The following PTPRD variants were observed in gnomAD, a reference collection of about 807,000 sequenced individuals.
The protein encoded by PTPRD is protein tyrosine phosphatase receptor type D.
PTPRD carries 34 observed loss-of-function variants against 214.5 expected under a neutral mutation model. The observed-to-expected ratio is 0.16, with a 90% confidence interval of 0.12 to 0.21. PTPRD has a LOEUF of 0.21. Ranked by LOEUF, PTPRD falls within the 10% of genes least tolerant of loss-of-function variation. The pLI is 1.00. For missense variants in PTPRD, 2,545 were observed against 2,398.7 expected (o/e 1.06, Z -1.27); for synonymous variants, 1,128 against 845.7 (o/e 1.33, Z -5.79).
chr9:8,480,878 C>T (rs576323592), intron 30 of PTPRD, among the ~76,000 whole-genome samples: 23 of 152,080 alleles, frequency 1.5e-4, no homozygotes, highest in Non-Finnish European at 2.5e-4. Context: ...CCGTGGCTCA[C>T]GCCTGTAACC....
intron 7 of PTPRD, among the ~76,000 whole-genome samples, chr9:9,692,129 T>C (rs2803368): frequency 0.63 from 95,406 of 151,736 alleles, 30,252 homozygotes; most frequent in South Asian, 0.66. Flanking sequence ...TTAAACTTGA[T>C]GTGATTCCAT....
intron 14 of PTPRD, among the ~76,000 whole-genome samples, chr9:8,534,328 T>C (rs75157238): frequency 0.042 from 6,422 of 151,966 alleles, 230 homozygotes; most frequent in Middle Eastern, 0.1. Flanking sequence ...ATTCTATCTA[T>C]AGAATAACAA....
intron 12 of PTPRD, among the ~76,000 whole-genome samples, chr9:8,664,144 A>T (rs1425759734): frequency 6.6e-6 from 1 of 152,194 alleles, no homozygotes; most frequent in Non-Finnish European, 1.5e-5. Context: ...TCCTCTCCAA[A>T]CTTTCACTAG....
At chr9:9,118,386 G>A (rs1453813224) in intron 10 of PTPRD, among the ~76,000 whole-genome samples, 2 of 152,126 alleles carry the variant, frequency 1.3e-5, no homozygotes, top group Non-Finnish European at 2.9e-5. Context: ...TTCTGCAGAA[G>A]TTATAGTGGG....
intron 8 of PTPRD, among the ~76,000 whole-genome samples, chr9:9,463,106 T>G (rs1307284344): frequency 6.6e-6 from 1 of 152,154 alleles, no homozygotes; most frequent in Non-Finnish European, 1.5e-5. Flanking sequence ...AAAGCCTTTG[T>G]GGCCTCTTCA....
chr9:9,239,232 A>C (rs2099969040), intron 9 of PTPRD, among the ~76,000 whole-genome samples: 1 of 152,008 alleles, frequency 6.6e-6, no homozygotes, highest in African/African-American at 2.4e-5. Flanking sequence ...TCTGTCAAAA[A>C]GGAAAAGTAG....
chr9:9,814,702 T>A (rs971745154), intron 5 of PTPRD, among the ~76,000 whole-genome samples: 3 of 151,168 alleles, frequency 2.0e-5, no homozygotes, highest in African/African-American at 4.9e-5. Context: ...TTCCACGCAA[T>A]CCCTACCAAA....
chr9:9,257,643 A>G (rs1324709425), intron 9 of PTPRD, among the ~76,000 whole-genome samples: 1 of 151,874 alleles, frequency 6.6e-6, no homozygotes, highest in East Asian at 2.0e-4. Context: ...AATAAAAAAT[A>G]AAAAACGTAA....
At chr9:9,659,489 T>C (rs578237525) in intron 7 of PTPRD, among the ~76,000 whole-genome samples, 34 of 152,160 alleles carry the variant, frequency 2.2e-4, no homozygotes, top group Non-Finnish European at 3.7e-4. Context: ...ATCAAATCAA[T>C]TAAGTCAGAA....
At chr9:8,769,285 T>C (rs2154482950) in intron 11 of PTPRD, among the ~76,000 whole-genome samples, 1 of 152,366 alleles carries the variant, frequency 6.6e-6, no homozygotes, top group Non-Finnish European at 1.5e-5. Context: ...TATATATCTT[T>C]GTTTAGTTTC....
At chr9:9,702,981 G>C (rs967622852) in intron 7 of PTPRD, among the ~76,000 whole-genome samples, 2 of 152,132 alleles carry the variant, frequency 1.3e-5, no homozygotes, top group Non-Finnish European at 2.9e-5. Flanking sequence ...TTTTTAAACA[G>C]AATGTACTAC....
At chr9:10,085,889 T>G (rs190348942) in intron 3 of PTPRD, among the ~76,000 whole-genome samples, 2 of 152,006 alleles carry the variant, frequency 1.3e-5, no homozygotes, top group African/African-American at 2.4e-5. Flanking sequence ...TGTGATGAAC[T>G]GCCAACCCTA....
rs568973171 is a variant in PTPRD, at chr9:8,637,149, A to C, written c.65-305T>G. ...CATTAATTTTTATTACCAGTATATA[A>C]AAAAATCCAATTTGTCCTCTAACAA... On this transcript the variant is annotated intron_variant, in intron 12 of 45. Coordinates refer to ENST00000381196, the MANE Select transcript of PTPRD (RefSeq NM_002839.4). Among the ~76,000 whole-genome samples, 135 of 152,308 alleles carry C rather than the reference A, an allele frequency of 8.9e-4. 1 individual carries two copies. The highest frequency in any genetic ancestry group is 1.6e-3 in the Admixed American group (25 of 15,300).
At chr9:10,446,959 C>T (rs945367271) in intron 2 of PTPRD, among the ~76,000 whole-genome samples, 2 of 152,082 alleles carry the variant, frequency 1.3e-5, no homozygotes, top group Admixed American at 6.5e-5. Context: ...CATATAAGTG[C>T]AAAGGGTATT....
chr9:10,490,787 G>A (rs2039946272), intron 2 of PTPRD, among the ~76,000 whole-genome samples: 2 of 151,968 alleles, frequency 1.3e-5, no homozygotes, highest in Non-Finnish European at 2.9e-5. Flanking sequence ...TTGGTACTTG[G>A]CTTGATCCTC....
At chr9:10,188,308 C>T (rs1226629060) in intron 3 of PTPRD, among the ~76,000 whole-genome samples, 2 of 152,030 alleles carry the variant, frequency 1.3e-5, no homozygotes, top group Non-Finnish European at 2.9e-5. Context: ...TAATGGCATG[C>T]CTTAATACTC....
intron 9 of PTPRD, among the ~76,000 whole-genome samples, chr9:9,238,874 T>G (rs1350202620): frequency 1.3e-5 from 2 of 152,172 alleles, no homozygotes; most frequent in African/African-American, 4.8e-5. Context: ...TTCAGCCCCT[T>G]ATTTTGAATA....
chr9:8,490,242 G>A (rs745856261), intron 27 of PTPRD, among the ~76,000 whole-genome samples: 14 of 152,164 alleles, frequency 9.2e-5, no homozygotes, highest in East Asian at 1.9e-4. Context: ...TAAAACTTAC[G>A]TCATGACATA....
At chr9:8,472,486 G>A (rs375514521) in intron 30 of PTPRD, among the ~76,000 whole-genome samples, 22 of 152,266 alleles carry the variant, frequency 1.4e-4, no homozygotes, top group African/African-American at 5.3e-4. Context: ...TAAGAACTCT[G>A]TTTCCATTAA....
Sources: allele counts gnomAD v4.1 joint callset (sites outside exome capture counted in the v4.1 genomes callset), GRCh38; gene constraint gnomAD v4.1.1; transcripts MANE v1.5; gene names NCBI Gene and HGNC (gene_info 2026-07-23, HGNC 2026-07-21).